Variants in FCHSD2 observed in about 807,000 individuals in gnomAD.
The protein encoded by FCHSD2 is FCH and double SH3 domains 2.
FCHSD2 carries 38 observed loss-of-function variants against 108.1 expected under a neutral mutation model. The ratio of observed to expected loss-of-function variants is 0.35; its 90% CI spans 0.27 to 0.46. The LOEUF (loss-of-function observed/expected upper bound fraction) is 0.46, where lower values mean the gene tolerates loss of function less well. Among genes scored for constraint, FCHSD2 ranks in the 20% least tolerant of loss-of-function variants. The pLI, the probability that FCHSD2 is intolerant of heterozygous loss-of-function variation, is 1.00. For synonymous variants in FCHSD2, 279 were observed against 314.7 expected, an observed-to-expected ratio of 0.89 and a Z score of 1.20; for missense variants, 751 against 897.8, an observed-to-expected ratio of 0.84 and a Z score of 2.09.
At chr11:72,840,467 C>T (rs143543601) in intron 19 of FCHSD2, among the ~76,000 whole-genome samples, 3 of 152,218 alleles carry the variant, frequency 2.0e-5, no homozygotes, top group East Asian at 3.9e-4. Flanking sequence ...TATATTCACC[C>T]GGAGAATAAA....
chr11:73,019,060 C>T (rs1858038975), intron 3 of FCHSD2, among the ~76,000 whole-genome samples: 1 of 151,998 alleles, frequency 6.6e-6, no homozygotes, highest in Non-Finnish European at 1.5e-5. Context: ...GATATAAGTA[C>T]CCAAATGAGG....
chr11:73,082,335 C>CCAAAAAAAA (rs1466695525), intron 3 of FCHSD2, among the ~76,000 whole-genome samples: 3 of 34,462 alleles, frequency 8.7e-5, no homozygotes, highest in African/African-American at 3.2e-4. Context: ...AGACTTGTCC[C>CCAAAAAAAA]AAAAAAAAAA....
intron 2 of FCHSD2, among the ~76,000 whole-genome samples, chr11:73,096,091 G>A (rs976742779): frequency 1.3e-5 from 2 of 151,888 alleles, no homozygotes. Flanking sequence ...AAGAAGGAAC[G>A]AGGTATCTAA....
intron 3 of FCHSD2, among the ~76,000 whole-genome samples, chr11:73,071,993 CTTA>C (rs1859448387): frequency 6.6e-6 from 1 of 151,980 alleles, no homozygotes; most frequent in Non-Finnish European, 1.5e-5. Flanking sequence ...TATAAAAAAT[CTTA>C]TTTTTTGATC....
chr11:72,966,929 T>C (rs113169066), intron 8 of FCHSD2, among the ~76,000 whole-genome samples: 3,421 of 152,240 alleles, frequency 0.022, 134 homozygotes, highest in African/African-American at 0.076. Context: ...CCGGGCGCGG[T>C]GGCTCACGCC....
At chr11:73,020,365 G>T (rs1168126141) in intron 3 of FCHSD2, among the ~76,000 whole-genome samples, 2 of 152,154 alleles carry the variant, frequency 1.3e-5, no homozygotes, top group Non-Finnish European at 2.9e-5. Flanking sequence ...AGCATACAGA[G>T]AAACTAATAT....
intron 9 of FCHSD2, among the ~76,000 whole-genome samples, chr11:72,917,818 G>A (rs376268111): frequency 9.1e-4 from 138 of 152,218 alleles, no homozygotes; most frequent in African/African-American, 3.2e-3. Flanking sequence ...AACCTGGGAG[G>A]TGGAGGTTGC....
At chr11:72,957,053 T>A (rs1311175676) in intron 8 of FCHSD2, among the ~76,000 whole-genome samples, 1 of 151,652 alleles carries the variant, frequency 6.6e-6, no homozygotes, top group African/African-American at 2.4e-5. Context: ...TTTATTATAC[T>A]TTAAGTTTTA....
chr11:73,101,870 G>A (rs1860233889), intron 2 of FCHSD2, among the ~76,000 whole-genome samples: 1 of 152,098 alleles, frequency 6.6e-6, no homozygotes. Context: ...TATTAGCAGG[G>A]TTCTCCAGAA....
Position 72,837,737 on chromosome 11 carries a change from C to G in FCHSD2, c.*1054G>C, listed in dbSNP as rs538864187. The G allele has an allele frequency of 2.1e-4, 32 of 152,370 alleles. No individual in the cohort carries two copies. Among genetic ancestry groups the G allele is most frequent in the Admixed American group, 2.1e-3 (32 of 15,310 alleles). 9.4% of individuals were successfully genotyped at this position (152,370 alleles called of 1,614,324 possible). A position where few individuals can be genotyped will look rare whatever the true frequency, so the allele number is the denominator to read the frequency against. ...AAAGCTGGTTTCCTCCACGAGCCAC[C>G]AGGTTCTTCCTTCCACGGAAATGTC... On this transcript the variant is annotated 3_prime_UTR_variant, in exon 20 of 20. Transcript: ENST00000409418.
chr11:72,968,440 T>C (rs754162162), intron 8 of FCHSD2, among the ~76,000 whole-genome samples: 27 of 152,230 alleles, frequency 1.8e-4, no homozygotes, highest in African/African-American at 5.8e-4. Context: ...TGTAGTTATG[T>C]CTTGATGTCT....
At chr11:72,910,187 A>G (rs1161930882) in intron 9 of FCHSD2, among the ~76,000 whole-genome samples, 1 of 123,740 alleles carries the variant, frequency 8.1e-6, no homozygotes, top group African/African-American at 3.2e-5. Context: ...CTGGCCGCCC[A>G]GTCTGGGAGG....
At chr11:72,962,309 T>C (rs561593891) in intron 8 of FCHSD2, among the ~76,000 whole-genome samples, 14 of 152,350 alleles carry the variant, frequency 9.2e-5, no homozygotes, top group African/African-American at 3.4e-4. Context: ...TGACAGCTAA[T>C]GAAATCTGTA....
intron 8 of FCHSD2, among the ~76,000 whole-genome samples, chr11:72,954,600 A>G (rs1856678360): frequency 6.6e-6 from 1 of 152,128 alleles, no homozygotes; most frequent in African/African-American, 2.4e-5. Context: ...AGCTTGAGTA[A>G]TTCCAAGAAT....
rs543175766 is a variant in FCHSD2, at chr11:72,884,191, C to T, written c.1146+3279G>A. Among the ~76,000 whole-genome samples the T allele has an allele frequency of 7.2e-5, 11 of 152,208 alleles. No individual in the cohort carries two copies. In the South Asian group the frequency reaches 2.1e-3, roughly 29 times the overall value. Reference sequence around the variant, plus strand: ...CTACGAACTATTTCTGCCTAAAACACTAACCTGCCTCTAATCAGGCCTTAA... The same window carrying T: ...CTACGAACTATTTCTGCCTAAAACATTAACCTGCCTCTAATCAGGCCTTAA... On this transcript the variant is annotated intron_variant, in intron 12 of 19. Coordinates refer to ENST00000409418, the MANE Select transcript of FCHSD2 (RefSeq NM_014824.3).
chr11:72,868,055 C>T, intron 12 of FCHSD2, 29 bp from the exon 13 acceptor site: 1 of 1,543,796 alleles, frequency 6.5e-7, no homozygotes, highest in African/African-American at 1.4e-5. Context: ...GGTCGGAAAT[C>T]AAGGCTTTTA....
intron 8 of FCHSD2, among the ~76,000 whole-genome samples, chr11:72,940,161 C>A (rs1226359502): frequency 6.6e-6 from 1 of 152,176 alleles, no homozygotes; most frequent in Non-Finnish European, 1.5e-5. Context: ...TTGGAATCAG[C>A]TTTGCCATCA....
chr11:72,890,685 T>A (rs1441308523), intron 10 of FCHSD2, among the ~76,000 whole-genome samples: 1 of 151,828 alleles, frequency 6.6e-6, no homozygotes. Flanking sequence ...TTTTTTTTTT[T>A]AACAACCTGA....
chr11:73,016,094 G>A (rs796403169), intron 3 of FCHSD2, among the ~76,000 whole-genome samples: 7 of 152,228 alleles, frequency 4.6e-5, no homozygotes, highest in African/African-American at 1.7e-4. Context: ...CTTGAGGTCA[G>A]GAGTTTGAGA....
Sources: gnomAD v4.1 joint callset for allele counts (sites outside exome capture counted in the v4.1 genomes callset) on GRCh38, gnomAD v4.1.1 for gene constraint, MANE v1.5 for transcripts, NCBI Gene and HGNC (gene_info 2026-07-23, HGNC 2026-07-21) for gene names.